CIB4: variants seen among roughly 807,000 people sequenced by gnomAD.
CIB4 encodes the protein calcium and integrin-binding family member 4.
CIB4 carries 25 observed loss-of-function variants against 25.8 expected under a neutral mutation model. The ratio of observed to expected loss-of-function variants is 0.97; its 90% CI spans 0.71 to 1.35. The LOEUF (loss-of-function observed/expected upper bound fraction) is 1.35. CIB4 is among the 40% of genes most tolerant of loss of function. CIB4 has a pLI of 0.00. For synonymous variants in CIB4, 75 were observed against 81.4 expected, an observed-to-expected ratio of 0.92 and a Z score of 0.42; for missense variants, 235 against 228.2, an observed-to-expected ratio of 1.03 and a Z score of -0.19.
intron 3 of CIB4, among the ~76,000 whole-genome samples, chr2:26,609,988 T>C (rs1668967958): frequency 6.6e-6 from 1 of 152,204 alleles, no homozygotes; most frequent in South Asian, 2.1e-4. Context: ...CTTAGAAAAC[T>C]GCCTAGAACA....
chr2:26,597,835 C>T (rs1029082099), intron 3 of CIB4, among the ~76,000 whole-genome samples: 3 of 151,594 alleles, frequency 2.0e-5, no homozygotes, highest in African/African-American at 7.3e-5. Context: ...AGGGGAGGGA[C>T]TCAGCCAGCA....
chr2:26,598,658 C>T (rs1668726566), intron 3 of CIB4, among the ~76,000 whole-genome samples: 1 of 152,150 alleles, frequency 6.6e-6, no homozygotes, highest in South Asian at 2.1e-4. Flanking sequence ...GCTGTAAGGC[C>T]TGGCAGGCAC....
intron 3 of CIB4, among the ~76,000 whole-genome samples, chr2:26,601,231 A>AAAAAAAAAAAAATAT (rs1395827334): frequency 5.8e-5 from 1 of 17,234 alleles, no homozygotes; most frequent in Non-Finnish European, 1.4e-4. Context: ...AAAAAAAAAA[A>AAAAAAAAAAAAATAT]ATATATATAT....
chr2:26,591,242 G>A (rs994327310), intron 4 of CIB4, among the ~76,000 whole-genome samples: 8 of 152,192 alleles, frequency 5.3e-5, no homozygotes, highest in South Asian at 4.1e-4. Context: ...GGCAAGGCTG[G>A]TCACCTATCC....
At position 26,581,226 on chromosome 2, in the gene CIB4, A is replaced by G; in HGVS notation, c.*137T>C. On this transcript the variant is annotated 3_prime_UTR_variant, in exon 7 of 7. Coordinates refer to ENST00000288861, the MANE Select transcript of CIB4 (RefSeq NM_001029881.3). Reference sequence around the variant, plus strand: ...GGGCTAAGGAAAAGCTTTTTCTTTTATCTAATAAACAATATTCTAGAGGTG... The same window carrying G: ...GGGCTAAGGAAAAGCTTTTTCTTTTGTCTAATAAACAATATTCTAGAGGTG... The G allele has an allele frequency of 4.3e-6, 3 of 692,190 alleles. No homozygotes were observed. The highest frequency in any genetic ancestry group is 2.7e-5 in the East Asian group (1 of 37,710). 42.9% of individuals were successfully genotyped at this position (692,190 alleles called of 1,614,324 possible).
At chr2:26,618,347 G>A (rs1415462679) in intron 3 of CIB4, among the ~76,000 whole-genome samples, 1 of 152,168 alleles carries the variant, frequency 6.6e-6, no homozygotes, top group Non-Finnish European at 1.5e-5. Context: ...GTGCAATGGT[G>A]CCATCATGGC....
intron 3 of CIB4, among the ~76,000 whole-genome samples, chr2:26,610,322 C>T (rs1431966460): frequency 6.6e-6 from 1 of 152,186 alleles, no homozygotes; most frequent in African/African-American, 2.4e-5. Context: ...CTGATATAAA[C>T]AGAAATGGAC....
chr2:26,600,433 G>C (rs557355012), intron 3 of CIB4, among the ~76,000 whole-genome samples: 4 of 152,164 alleles, frequency 2.6e-5, no homozygotes, highest in East Asian at 3.9e-4. Context: ...AACAAATAAA[G>C]AAATAAAATG....
intron 4 of CIB4, among the ~76,000 whole-genome samples, chr2:26,589,087 T>TTCTTCTTCTTCTTCC (rs1668527824): frequency 1.2e-4 from 11 of 93,394 alleles, no homozygotes; most frequent in East Asian, 5.2e-4. Context: ...CTTCTTCTTC[T>TTCTTCTTCTTCTTCC]TCTTCTTCTT....
At chr2:26,632,965 C>T (rs897401629) in intron 2 of CIB4, among the ~76,000 whole-genome samples, 1 of 151,968 alleles carries the variant, frequency 6.6e-6, no homozygotes, top group Non-Finnish European at 1.5e-5. Flanking sequence ...CAAGTGAGCT[C>T]GGGCTCCTGC....
At chr2:26,629,211 G>A (rs113844972) in intron 3 of CIB4, among the ~76,000 whole-genome samples, 199 bp downstream of exon 3, 33 of 152,298 alleles carry the variant, frequency 2.2e-4, no homozygotes, top group African/African-American at 7.7e-4. Flanking sequence ...TGAGGATGGA[G>A]GGAGGCCAGA....
chr2:26,608,575 G>C (rs1178087547), intron 3 of CIB4, among the ~76,000 whole-genome samples: 2 of 152,182 alleles, frequency 1.3e-5, no homozygotes, highest in Non-Finnish European at 2.9e-5. Flanking sequence ...AAATGGCAGA[G>C]ACATGACACC....
chr2:26,606,211 A>G (rs1426178252), intron 3 of CIB4, among the ~76,000 whole-genome samples: 1 of 152,208 alleles, frequency 6.6e-6, no homozygotes, highest in African/African-American at 2.4e-5. Context: ...CTGCCACTGC[A>G]CTCCAAGAAA....
intron 3 of CIB4, among the ~76,000 whole-genome samples, chr2:26,609,088 T>C (rs1212610970): frequency 6.6e-6 from 1 of 152,202 alleles, no homozygotes; most frequent in African/African-American, 2.4e-5. Context: ...ATGACTCTAG[T>C]TTTATTCTAC....
intron 3 of CIB4, among the ~76,000 whole-genome samples, chr2:26,616,904 C>T (rs1669103423): frequency 1.3e-5 from 2 of 152,110 alleles, no homozygotes; most frequent in Non-Finnish European, 2.9e-5. Context: ...AGGGCCTCTT[C>T]ATAACAGGGA....
intron 4 of CIB4, among the ~76,000 whole-genome samples, chr2:26,589,238 TCTA>T (rs1202121107): frequency 1.4e-5 from 2 of 147,820 alleles, no homozygotes; most frequent in South Asian, 2.2e-4. Flanking sequence ...CCCCTCTTCT[TCTA>T]CTTCTCCTTC....
intron 3 of CIB4, chr2:26,605,577 G>C (rs969704713): frequency 1.3e-5 from 6 of 470,772 alleles, no homozygotes; most frequent in Admixed American, 4.7e-5. Context: ...GGAATTCCTA[G>C]TTCTGGGTCT....
intron 2 of CIB4, among the ~76,000 whole-genome samples, chr2:26,638,300 C>A (rs1055373622): frequency 6.6e-6 from 1 of 152,176 alleles, no homozygotes; most frequent in Non-Finnish European, 1.5e-5. Flanking sequence ...TGGAAACAGA[C>A]TGGAAACAGG....
intron 3 of CIB4, among the ~76,000 whole-genome samples, chr2:26,609,977 G>A (rs532108931): frequency 1.8e-4 from 27 of 152,352 alleles, no homozygotes; most frequent in African/African-American, 5.5e-4. Flanking sequence ...GGCAGCGGAA[G>A]CTTAGAAAAC....
Sources: allele counts gnomAD v4.1 joint callset (sites outside exome capture counted in the v4.1 genomes callset), GRCh38; gene constraint gnomAD v4.1.1; transcripts MANE v1.5; gene names NCBI Gene and HGNC (gene_info 2026-07-23, HGNC 2026-07-21).